Variants in ILRUN observed in about 807,000 individuals in gnomAD.
ILRUN encodes the protein inflammation and lipid regulator with UBA-like and NBR1-like domains, also known as protein ILRUN.
Under a neutral mutation model 33.8 loss-of-function variants are expected in ILRUN, and 3 were observed. That is an observed-to-expected ratio of 0.09 (90% CI 0.04 to 0.23). The LOEUF is 0.23. Among genes scored for constraint, ILRUN ranks in the 10% least tolerant of loss-of-function variants. The pLI, the probability that ILRUN is intolerant of heterozygous loss-of-function variation, is 1.00. For synonymous variants in ILRUN, 124 were observed against 138.9 expected (o/e 0.89, Z 0.75); for missense variants, 210 against 375.1 (o/e 0.56, Z 3.64).
intron 3 of ILRUN, among the ~76,000 whole-genome samples, chr6:34,640,962 C>T (rs896947751): frequency 6.6e-6 from 1 of 151,216 alleles, no homozygotes; most frequent in African/African-American, 2.4e-5. Context: ...GCCTGTAATC[C>T]CAGCTACTCG....
chr6:34,661,458 G>T (rs759386891), intron 1 of ILRUN, among the ~76,000 whole-genome samples: 1 of 152,222 alleles, frequency 6.6e-6, no homozygotes, highest in South Asian at 2.1e-4. Flanking sequence ...GGAGGTGGGG[G>T]TACTGAGAAA....
At chr6:34,600,217 G>C (rs1442489610) in intron 4 of ILRUN, among the ~76,000 whole-genome samples, 4 of 152,150 alleles carry the variant, frequency 2.6e-5, no homozygotes, top group Non-Finnish European at 5.9e-5. Context: ...AGCTTTATAA[G>C]GGCCCGCAAA....
intron 3 of ILRUN, among the ~76,000 whole-genome samples, chr6:34,633,930 C>T (rs888064203): frequency 2.2e-5 from 3 of 135,290 alleles, no homozygotes; most frequent in African/African-American, 8.6e-5. Context: ...GGAATGAAAT[C>T]ATACAAAGGA....
intron 3 of ILRUN, among the ~76,000 whole-genome samples, chr6:34,625,155 A>C (rs1231746436): frequency 1.3e-5 from 2 of 152,048 alleles, no homozygotes; most frequent in Non-Finnish European, 2.9e-5. Flanking sequence ...GAACTTCCTT[A>C]ATGTTTCTTC....
At chr6:34,644,735 G>C (rs1762533968) in intron 3 of ILRUN, among the ~76,000 whole-genome samples, 1 of 152,132 alleles carries the variant, frequency 6.6e-6, no homozygotes, top group Non-Finnish European at 1.5e-5. Flanking sequence ...GGGGAGGGAT[G>C]AATTTTCTTA....
intron 1 of ILRUN, among the ~76,000 whole-genome samples, chr6:34,684,849 C>T (rs890710136): frequency 2.6e-5 from 4 of 152,092 alleles, no homozygotes; most frequent in African/African-American, 9.7e-5. Flanking sequence ...AAAGATACGC[C>T]AGGAAAGGTA....
At chr6:34,659,396 TAGA>T (rs770708768) in intron 1 of ILRUN, among the ~76,000 whole-genome samples, 22 of 152,152 alleles carry the variant, frequency 1.4e-4, no homozygotes, top group Admixed American at 6.5e-4. Context: ...AGGCAATTAT[TAGA>T]ATTCAGAGCC....
chr6:34,687,708 A>AATAT (rs202128580), intron 1 of ILRUN, among the ~76,000 whole-genome samples: 17 of 143,336 alleles, frequency 1.2e-4, no homozygotes, highest in African/African-American at 3.2e-4. Flanking sequence ...CAAAAAAAAA[A>AATAT]ATATATATAT....
chr6:34,687,976 C>T (rs1763561030), intron 1 of ILRUN, among the ~76,000 whole-genome samples: 1 of 151,882 alleles, frequency 6.6e-6, no homozygotes, highest in Non-Finnish European at 1.5e-5. Context: ...CAGGTACACG[C>T]ACATATTCAA....
Position 34,639,101 on chromosome 6 carries a change from G to C in ILRUN, c.511+7500C>G, listed in dbSNP as rs1762420126. ...AGAAAGTAAAGGAAGAATTTACAAAGGTTTTGGGAAATAAACAGTGTAGTT... is the reference window on the plus strand; with the variant it reads ...AGAAAGTAAAGGAAGAATTTACAAACGTTTTGGGAAATAAACAGTGTAGTT... On this transcript the variant is annotated intron_variant, in intron 3 of 4. Transcript: ENST00000374023. Among the ~76,000 whole-genome samples, 11 of 152,304 alleles carry C rather than the reference G, an allele frequency of 7.2e-5. No individual in the cohort carries two copies. The South Asian group carries it at 2.3e-3, about 32-fold the overall frequency.
chr6:34,646,859 T>TC lies in ILRUN; in HGVS notation c.314-62_314-61insG. 6.6e-7 allele frequency: 1 copy of TC among 1,511,832 alleles called. No individual in the cohort carries two copies. The highest frequency in any genetic ancestry group is 9.1e-7 in the Non-Finnish European group (1 of 1,095,766). The allele number at this position is 1,511,832 out of a possible 1,614,324, so 93.7% of individuals were successfully genotyped here. On this transcript the variant is annotated intron_variant, in intron 2 of 4. Coordinates refer to ENST00000374023, the MANE Select transcript of ILRUN (RefSeq NM_024294.4). The surrounding 1 kb of genome is among the most constrained non-coding windows in gnomAD (Gnocchi z 4.9). ...CAATGGTCCTATGCTGGGTGCAGTT[T>TC]ATTATGAAACTGTAGAAGAGGCCTC...
intron 1 of ILRUN, among the ~76,000 whole-genome samples, chr6:34,682,165 C>T (rs1292431124): frequency 6.6e-6 from 1 of 151,112 alleles, no homozygotes; most frequent in Non-Finnish European, 1.5e-5. Flanking sequence ...AGCCACCACG[C>T]CCAGCCTTGT....
At chr6:34,696,326 G>A (rs1581567955) in intron 1 of ILRUN, 120 bp downstream of exon 1, 1 of 1,072,798 alleles carries the variant, frequency 9.3e-7, no homozygotes, top group East Asian at 2.7e-5. Context: ...TCCCCGTCCC[G>A]GGAAGGGGTG....
chr6:34,667,762 A>G (rs1328666031), intron 1 of ILRUN, among the ~76,000 whole-genome samples: 1 of 152,236 alleles, frequency 6.6e-6, no homozygotes, highest in Non-Finnish European at 1.5e-5. Context: ...CGACTAACCA[A>G]CAACATAGGA....
Position 34,587,967 on chromosome 6 carries a change from A to C in ILRUN, c.*2598T>G. 1 of 397,750 alleles carries C rather than the reference A, an allele frequency of 2.5e-6. No individual in the cohort carries two copies. The highest frequency in any genetic ancestry group is 4.4e-6 in the Non-Finnish European group (1 of 225,960). 24.6% of individuals were successfully genotyped at this position (397,750 alleles called of 1,614,324 possible). On this transcript the variant is annotated 3_prime_UTR_variant, in exon 5 of 5. Coordinates refer to ENST00000374023, the MANE Select transcript of ILRUN (RefSeq NM_024294.4). ...CCCAGAGGTGGCCTGCCACTTGGTGAAGATTCTAAGAGGAGCAGGGACTAT... is the reference window on the plus strand; with the variant it reads ...CCCAGAGGTGGCCTGCCACTTGGTGCAGATTCTAAGAGGAGCAGGGACTAT...
intron 1 of ILRUN, among the ~76,000 whole-genome samples, chr6:34,659,642 T>A (rs1372465665): frequency 1.4e-5 from 2 of 142,248 alleles, no homozygotes; most frequent in African/African-American, 2.7e-5. Context: ...TTTTTTTTTT[T>A]AACGGAGTCT....
intron 3 of ILRUN, among the ~76,000 whole-genome samples, chr6:34,611,036 C>T (rs1761736761): frequency 6.9e-6 from 1 of 145,416 alleles, no homozygotes; most frequent in South Asian, 2.1e-4. Context: ...CACAGTGAGA[C>T]TTCTTTCCCC....
chr6:34,621,304 G>A (rs1309398230), intron 3 of ILRUN, among the ~76,000 whole-genome samples: 1 of 152,138 alleles, frequency 6.6e-6, no homozygotes, highest in African/African-American at 2.4e-5. Context: ...TGAACAAAAG[G>A]ATTCCCCCAC....
intron 1 of ILRUN, among the ~76,000 whole-genome samples, chr6:34,684,496 C>T (rs1581556770): frequency 6.6e-6 from 1 of 152,182 alleles, no homozygotes; most frequent in Admixed American, 6.6e-5. Context: ...TACCCTTACA[C>T]ATTACTTCAA....
Sources: allele counts gnomAD v4.1 joint callset (sites outside exome capture counted in the v4.1 genomes callset), GRCh38; gene constraint gnomAD v4.1.1; non-coding constraint Gnocchi (gnomAD v3.1); transcripts MANE v1.5; gene names NCBI Gene and HGNC (gene_info 2026-07-23, HGNC 2026-07-21).